IL1RAPL1: variants seen among roughly 807,000 people sequenced by gnomAD.
IL1RAPL1 encodes the protein interleukin 1 receptor accessory protein like 1, also known as interleukin-1 receptor accessory protein-like 1.
IL1RAPL1 carries 3 observed loss-of-function variants against 48.4 expected under a neutral mutation model. The observed-to-expected ratio is 0.06, with a 90% CI of 0.03 to 0.16. The LOEUF is 0.16. Ranked by LOEUF, IL1RAPL1 falls within the 10% of genes least tolerant of loss-of-function variation. IL1RAPL1 has a pLI of 1.00. For missense variants in IL1RAPL1, 349 were observed against 530.6 expected, an observed-to-expected ratio of 0.66 and a Z score of 3.36; for synonymous variants, 185 against 187.7, an observed-to-expected ratio of 0.99 and a Z score of 0.12.
intron 6 of IL1RAPL1, among the ~76,000 whole-genome samples, chrX:29,870,314 G>A (rs1601859384): frequency 8.9e-6 from 1 of 112,080 alleles, no homozygotes; most frequent in East Asian, 2.8e-4. Context: ...GGCAAAGATA[G>A]TTTCACCTAG....
intron 2 of IL1RAPL1, among the ~76,000 whole-genome samples, chrX:29,069,620 T>C (rs1478849981): frequency 1.8e-5 from 1 of 56,295 alleles, no homozygotes; most frequent in African/African-American, 5.2e-5. Context: ...TCAGATCTTT[T>C]CCTATAGAAC....
intron 5 of IL1RAPL1, among the ~76,000 whole-genome samples, chrX:29,408,807 G>A (rs1034024322): frequency 1.8e-4 from 20 of 112,031 alleles, no homozygotes; most frequent in African/African-American, 5.2e-4. Context: ...GTCACAAAAC[G>A]TCACAGTGAC....
intron 2 of IL1RAPL1, among the ~76,000 whole-genome samples, chrX:29,281,673 G>A (rs1475222826): frequency 9.0e-6 from 1 of 111,724 alleles, no homozygotes; most frequent in Non-Finnish European, 1.9e-5. Flanking sequence ...TTTATTCTCA[G>A]TTGTATCAGT....
rs1933918841 is a variant in IL1RAPL1 at position 29,396,343 on chromosome X, T to G, written c.448T>G (p.Tyr150Asp). ...ACTCTGCTATAATTCCAAGATGAAG[T>G]ATTTTGAAAAAGCTGAACTTAGCAA... ...TGLCYNSKMK[Y>D]FEKAELSKSK... Residue 150 changes from tyrosine to aspartate, a missense_variant, in exon 4 of 11, where the codon TAT becomes GAT. Tyr to Asp is a radical substitution (Grantham distance 160). Transcript: ENST00000378993. 1 of 1,208,698 alleles carries G rather than the reference T, an allele frequency of 8.3e-7. No individual in the cohort carries two copies. The highest frequency in any genetic ancestry group is 1.7e-5 in the African/African-American group (1 of 57,758).
At chrX:29,121,782 T>G (rs970002604) in intron 2 of IL1RAPL1, among the ~76,000 whole-genome samples, 3 of 111,855 alleles carry the variant, frequency 2.7e-5, no homozygotes, top group Non-Finnish European at 5.6e-5. Context: ...ACCATGTAAA[T>G]TTGCATGTTC....
chrX:29,698,140 C>T (rs756853741), intron 6 of IL1RAPL1, among the ~76,000 whole-genome samples: 1 of 109,259 alleles, frequency 9.2e-6, no homozygotes, highest in Non-Finnish European at 1.9e-5. Context: ...CTAAAGCTTT[C>T]ACACATGGTC....
intron 6 of IL1RAPL1, among the ~76,000 whole-genome samples, chrX:29,718,926 G>A (rs1927557731): frequency 8.9e-6 from 1 of 112,074 alleles, no homozygotes; most frequent in Non-Finnish European, 1.9e-5. Flanking sequence ...GTGCCCTGAA[G>A]AAAGACCTAT....
intron 1 of IL1RAPL1, among the ~76,000 whole-genome samples, chrX:28,602,247 C>G (rs752966687): frequency 9.0e-6 from 1 of 111,625 alleles, no homozygotes; most frequent in East Asian, 2.8e-4. Flanking sequence ...AATTGTGAAG[C>G]TTATTAAGGA....
chrX:28,769,575 A>C (rs1936288778), intron 1 of IL1RAPL1, among the ~76,000 whole-genome samples: 1 of 112,008 alleles, frequency 8.9e-6, no homozygotes, highest in African/African-American at 3.2e-5. Context: ...TACCTGGGTA[A>C]TTTTACTCTC....
At chrX:28,966,172 T>C (rs755879699) in intron 2 of IL1RAPL1, among the ~76,000 whole-genome samples, 6 of 112,299 alleles carry the variant, frequency 5.3e-5, no homozygotes, top group South Asian at 3.7e-4. Flanking sequence ...ATCTTTAGCA[T>C]TTATAATTGC....
chrX:29,000,493 G>A (rs1487856781), intron 2 of IL1RAPL1, among the ~76,000 whole-genome samples: 4 of 111,466 alleles, frequency 3.6e-5, no homozygotes, highest in Non-Finnish European at 7.5e-5. Context: ...TTATCTCTGT[G>A]CCTTCCACAC....
At chrX:29,457,105 T>A (rs1412383229) in intron 5 of IL1RAPL1, among the ~76,000 whole-genome samples, 2 of 109,296 alleles carry the variant, frequency 1.8e-5, no homozygotes, top group Admixed American at 9.9e-5. Flanking sequence ...CTGTACTCCA[T>A]CCTGAGCAAG....
chrX:29,689,361 A>G (rs1012136038), intron 6 of IL1RAPL1, among the ~76,000 whole-genome samples: 10 of 111,877 alleles, frequency 8.9e-5, no homozygotes, highest in African/African-American at 3.3e-4. Context: ...CTGTATCAAA[A>G]CATCTCAGGT....
chrX:29,211,356 C>T (rs1458482343), intron 2 of IL1RAPL1, among the ~76,000 whole-genome samples: 1 of 112,009 alleles, frequency 8.9e-6, no homozygotes, highest in Admixed American at 9.5e-5. Flanking sequence ...AATGGCATCA[C>T]ATCCTCTTGA....
At chrX:29,499,644 C>T (rs1380218993) in intron 5 of IL1RAPL1, among the ~76,000 whole-genome samples, 3 of 111,507 alleles carry the variant, frequency 2.7e-5, no homozygotes, top group Non-Finnish European at 3.8e-5. Context: ...ATAATCAATT[C>T]TCTAATCCCG....
At chrX:29,610,818 C>T (rs189170421) in intron 5 of IL1RAPL1, among the ~76,000 whole-genome samples, 9 of 112,029 alleles carry the variant, frequency 8.0e-5, no homozygotes, top group South Asian at 3.7e-4. Flanking sequence ...CCCACAGTGG[C>T]GTCTAGGGTT....
At chrX:28,887,479 T>C (rs1210978795) in intron 2 of IL1RAPL1, among the ~76,000 whole-genome samples, 1 of 112,369 alleles carries the variant, frequency 8.9e-6, no homozygotes, top group East Asian at 2.8e-4. Context: ...GCTTAAGTAA[T>C]AAAACATTGC....
chrX:28,930,664 C>T (rs546866659), intron 2 of IL1RAPL1, among the ~76,000 whole-genome samples: 152 of 111,388 alleles, frequency 1.4e-3, no homozygotes, highest in African/African-American at 4.6e-3. Flanking sequence ...TTTTTTGAGA[C>T]GGAGTCTCAC....
At chrX:28,622,701 C>A (rs1934298356) in intron 1 of IL1RAPL1, among the ~76,000 whole-genome samples, 1 of 111,746 alleles carries the variant, frequency 8.9e-6, no homozygotes, top group African/African-American at 3.3e-5. Flanking sequence ...TGATTCTAAT[C>A]ACAGCTGTTT....
Sources: allele counts gnomAD v4.1 joint callset (sites outside exome capture counted in the v4.1 genomes callset), GRCh38; gene constraint gnomAD v4.1.1; transcripts MANE v1.5; gene names NCBI Gene and HGNC (gene_info 2026-07-23, HGNC 2026-07-21).